The following KCNIP1 variants were observed in gnomAD, a reference collection of about 807,000 sequenced individuals.
KCNIP1 encodes A-type potassium channel modulatory protein KCNIP1.
KCNIP1 carries 18 observed loss-of-function variants against 33.0 expected under a neutral mutation model. The observed-to-expected ratio is 0.55, with a 90% CI of 0.38 to 0.81. The LOEUF (loss-of-function observed/expected upper bound fraction) is 0.81. KCNIP1 is among the 30% of genes least tolerant of loss of function. The pLI is 0.00. For synonymous variants in KCNIP1, 93 were observed against 98.3 expected (o/e 0.95, Z 0.32); for missense variants, 238 against 271.6 (o/e 0.88, Z 0.87).
At chr5:170,569,974 G>GT (rs1026014539) in intron 1 of KCNIP1, among the ~76,000 whole-genome samples, 2 of 152,180 alleles carry the variant, frequency 1.3e-5, no homozygotes, top group African/African-American at 2.4e-5. Context: ...ATATCTGGCT[G>GT]TTTTTCCCTA....
chr5:170,445,462 G>A (rs1201502186), intron 1 of KCNIP1, among the ~76,000 whole-genome samples: 1 of 152,240 alleles, frequency 6.6e-6, no homozygotes, highest in Non-Finnish European at 1.5e-5. Context: ...GATTCCTGGG[G>A]TGGCAGCTAC....
intron 1 of KCNIP1, chr5:170,377,120 C>T (rs1184030991): frequency 6.6e-6 from 1 of 152,334 alleles, no homozygotes; most frequent in Non-Finnish European, 1.5e-5. Context: ...TAACTTCACA[C>T]CCAGCTCAGG....
chr5:170,679,465 A>G (rs1247347733), intron 1 of KCNIP1, among the ~76,000 whole-genome samples: 1 of 152,150 alleles, frequency 6.6e-6, no homozygotes, highest in Non-Finnish European at 1.5e-5. Context: ...AGAGACCAGC[A>G]TTCACATTCA....
At chr5:170,524,201 C>T (rs1381128269) in intron 1 of KCNIP1, among the ~76,000 whole-genome samples, 1 of 152,166 alleles carries the variant, frequency 6.6e-6, no homozygotes, top group Non-Finnish European at 1.5e-5. Context: ...ACTCTCAGCA[C>T]CAACTTGGCC....
chr5:170,734,269 T>G (rs772701018), intron 7 of KCNIP1, among the ~76,000 whole-genome samples: 1 of 152,088 alleles, frequency 6.6e-6, no homozygotes. Flanking sequence ...AAACCTACAA[T>G]TGTGTGATTC....
intron 1 of KCNIP1, among the ~76,000 whole-genome samples, chr5:170,601,560 C>A (rs1024822390): frequency 5.9e-5 from 9 of 152,054 alleles, no homozygotes; most frequent in African/African-American, 1.4e-4. Flanking sequence ...AAAAGCCATG[C>A]GAGACGGAAG....
chr5:170,636,277 G>A (rs900400068), intron 1 of KCNIP1, among the ~76,000 whole-genome samples: 1 of 152,204 alleles, frequency 6.6e-6, no homozygotes, highest in Non-Finnish European at 1.5e-5. Flanking sequence ...TTCACCAGGG[G>A]AATGAGAGTC....
intron 1 of KCNIP1, among the ~76,000 whole-genome samples, chr5:170,436,614 T>C (rs192128152): frequency 6.6e-6 from 1 of 152,324 alleles, no homozygotes; most frequent in East Asian, 1.9e-4. Flanking sequence ...TTCCCAGGTG[T>C]TGCAGCGCAG....
At chr5:170,574,822 C>A (rs527444411) in intron 1 of KCNIP1, among the ~76,000 whole-genome samples, 1 of 152,274 alleles carries the variant, frequency 6.6e-6, no homozygotes, top group South Asian at 2.1e-4. Context: ...TTCACATGCA[C>A]AGCTCTGGGA....
At chr5:170,443,769 T>A (rs1419503006) in intron 1 of KCNIP1, among the ~76,000 whole-genome samples, 2 of 152,190 alleles carry the variant, frequency 1.3e-5, no homozygotes, top group Non-Finnish European at 2.9e-5. Flanking sequence ...CATCTCATGA[T>A]GCAAATGAAG....
intron 1 of KCNIP1, chr5:170,681,527 T>C (rs1230748145): frequency 4.0e-5 from 7 of 175,570 alleles, no homozygotes; most frequent in African/African-American, 7.1e-5. Context: ...ACGTATATTG[T>C]TGATGGAAGC....
intron 1 of KCNIP1, among the ~76,000 whole-genome samples, chr5:170,652,527 A>AAAAAGAAAAG (rs70979194): frequency 2.6e-5 from 3 of 113,770 alleles, no homozygotes; most frequent in African/African-American, 9.8e-5. Flanking sequence ...GGAGAAAAGA[A>AAAAAGAAAAG]AAAAGAAAAG....
chr5:170,734,174 C>A (rs776220746), intron 7 of KCNIP1, among the ~76,000 whole-genome samples: 2 of 147,622 alleles, frequency 1.4e-5, no homozygotes, highest in Admixed American at 1.4e-4. Flanking sequence ...ATAGACTTCC[C>A]GAGAGGGCAA....
intron 1 of KCNIP1, among the ~76,000 whole-genome samples, chr5:170,491,117 T>G (rs1757194797): frequency 6.6e-6 from 1 of 152,174 alleles, no homozygotes; most frequent in African/African-American, 2.4e-5. Context: ...TTTGTTTGCT[T>G]ACCTATCACT....
At chr5:170,677,044 T>C (rs899898085) in intron 1 of KCNIP1, among the ~76,000 whole-genome samples, 5 of 152,218 alleles carry the variant, frequency 3.3e-5, no homozygotes, top group African/African-American at 9.6e-5. Flanking sequence ...CTCCAGACTA[T>C]ACGTACTCAA....
chr5:170,549,542 G>A (rs1441092013), intron 1 of KCNIP1, among the ~76,000 whole-genome samples: 1 of 152,176 alleles, frequency 6.6e-6, no homozygotes, highest in Non-Finnish European at 1.5e-5. Flanking sequence ...GTATAATTAA[G>A]GAAATCTGGG....
At chr5:170,495,858 C>T (rs188947584) in intron 1 of KCNIP1, among the ~76,000 whole-genome samples, 74 of 152,302 alleles carry the variant, frequency 4.9e-4, no homozygotes, top group Non-Finnish European at 7.8e-4. Context: ...GTCCTCAGCA[C>T]GAGGGCAGCT....
At chr5:170,390,538 A>ATATATATATATATT (rs1554088948) in intron 1 of KCNIP1, among the ~76,000 whole-genome samples, 13 of 131,220 alleles carry the variant, frequency 9.9e-5, no homozygotes, top group African/African-American at 1.2e-4. Flanking sequence ...ATATATATAT[A>ATATATATATATATT]TTTTCAACAA....
At chr5:170,661,599 C>G (rs1293010113) in intron 1 of KCNIP1, among the ~76,000 whole-genome samples, 1 of 152,088 alleles carries the variant, frequency 6.6e-6, no homozygotes, top group African/African-American at 2.4e-5. Context: ...GCATTCTTGG[C>G]CCAGCAGAGG....
Sources: gnomAD v4.1 joint callset for allele counts (sites outside exome capture counted in the v4.1 genomes callset) on GRCh38, gnomAD v4.1.1 for gene constraint, MANE v1.5 for transcripts, NCBI Gene and HGNC (gene_info 2026-07-23, HGNC 2026-07-21) for gene names.